The following ZFR variants were observed in gnomAD, a reference collection of about 807,000 sequenced individuals.
ZFR encodes the protein zinc finger RNA binding protein.
In ZFR, 19 loss-of-function variants were observed where a neutral mutation model predicts 130.7. That is an observed-to-expected ratio of 0.15 (90% CI 0.10 to 0.21). The LOEUF is 0.21. ZFR is among the 10% of genes least tolerant of loss of function. ZFR has a pLI of 1.00. For missense variants in ZFR, 872 were observed against 1,321.5 expected (o/e 0.66, Z 5.27); for synonymous variants, 466 against 456.9 (o/e 1.02, Z -0.25).
chr5:32,380,409 C>T, intron 15 of ZFR: 1 of 353,128 alleles, frequency 2.8e-6, no homozygotes, highest in Middle Eastern at 8.2e-4. Context: ...CCCTACCCAC[C>T]AAAACGAAAT....
intron 2 of ZFR, among the ~76,000 whole-genome samples, chr5:32,437,141 G>C (rs1158010737): frequency 6.6e-6 from 1 of 152,052 alleles, no homozygotes; most frequent in Admixed American, 6.5e-5. Context: ...ACCTTCCCTT[G>C]ATTTTCAGAA....
At chr5:32,385,738 ACCC>A in intron 14 of ZFR, 89 bp from the exon 15 acceptor site, 1 of 1,451,924 alleles carries the variant, frequency 6.9e-7, no homozygotes, top group Non-Finnish European at 9.4e-7. Context: ...CTCTCTTACT[ACCC>A]TAACCATTCT....
chr5:32,444,050 C>A (rs1754537251), intron 2 of ZFR, among the ~76,000 whole-genome samples, 179 bp downstream of exon 2: 1 of 138,470 alleles, frequency 7.2e-6, no homozygotes, highest in Non-Finnish European at 1.6e-5. Context: ...CCGGGCCGGG[C>A]CGGGCAAGGC....
intron 17 of ZFR, among the ~76,000 whole-genome samples, chr5:32,372,892 A>AGAG (rs1050244370): frequency 3.9e-5 from 6 of 152,178 alleles, no homozygotes. Flanking sequence ...TAAAAAATTA[A>AGAG]GAGGTATACA....
rs769154418 is a variant in ZFR at position 32,415,190 on chromosome 5, G to A, written c.566-3C>T. On this transcript the variant is annotated splice_region_variant and splice_polypyrimidine_tract_variant and intron_variant, in intron 4 of 19. Coordinates refer to ENST00000265069, the MANE Select transcript of ZFR (RefSeq NM_016107.5). ...TTGGCTGTAACCTGCTTTGGGGGCTGAAGTAGGAAAGAGACATCAGAAAAT... is the reference window on the plus strand; with the variant it reads ...TTGGCTGTAACCTGCTTTGGGGGCTAAAGTAGGAAAGAGACATCAGAAAAT... 15 of 1,613,418 alleles carry A rather than the reference G, an allele frequency of 9.3e-6. No individual in the cohort carries two copies. The highest frequency in any genetic ancestry group is 1.6e-4 in the Middle Eastern group (1 of 6,082).
At chr5:32,427,140 C>T (rs1754091622) in intron 2 of ZFR, among the ~76,000 whole-genome samples, 1 of 151,716 alleles carries the variant, frequency 6.6e-6, no homozygotes, top group African/African-American at 2.4e-5. Flanking sequence ...AAACTCGGGC[C>T]AGGCACTGTG....
At chr5:32,420,464 T>A (rs1753927459) in intron 2 of ZFR, among the ~76,000 whole-genome samples, 1 of 152,210 alleles carries the variant, frequency 6.6e-6, no homozygotes, top group African/African-American at 2.4e-5. Flanking sequence ...GTTAGTTACA[T>A]GTGAAGTTCT....
At chr5:32,417,139 T>C (rs990103216) in intron 4 of ZFR, among the ~76,000 whole-genome samples, 1 of 141,402 alleles carries the variant, frequency 7.1e-6, no homozygotes, top group African/African-American at 2.6e-5. Flanking sequence ...AAAAAATCCA[T>C]CTTTTAAAGT....
At position 32,400,444 on chromosome 5, in the gene ZFR, C is replaced by G. The variant is rs185293377; in HGVS notation, c.1517-241G>C. Among the ~76,000 whole-genome samples the G allele has an allele frequency of 1.1e-3, 160 of 152,286 alleles. 1 individual carries two copies. The highest frequency in any genetic ancestry group is 1.1e-3 in the Non-Finnish European group (74 of 68,032). ...ACACCCAACACCCTCCTCATCCCCC[C>G]TCAAAGTGAATAGCAAGTACCTGAA... On this transcript the variant is annotated intron_variant, in intron 8 of 19. Transcript: ENST00000265069.
intron 6 of ZFR, among the ~76,000 whole-genome samples, chr5:32,406,066 A>G (rs1753574750): frequency 1.3e-5 from 2 of 152,222 alleles, no homozygotes; most frequent in Non-Finnish European, 2.9e-5. Context: ...AAATTTTAAT[A>G]TAAAAAGTTG....
chr5:32,391,043 C>T (rs946252840), intron 11 of ZFR, among the ~76,000 whole-genome samples: 2 of 152,172 alleles, frequency 1.3e-5, no homozygotes, highest in Admixed American at 6.5e-5. Context: ...GTTTCAGTTA[C>T]CTATGGTCAA....
intron 2 of ZFR, among the ~76,000 whole-genome samples, chr5:32,441,518 G>GAAA (rs35684379): frequency 3.5e-5 from 5 of 143,792 alleles, no homozygotes; most frequent in Admixed American, 6.9e-5. Context: ...AATTTGATTG[G>GAAA]AAAAAAAAAA....
At chr5:32,436,414 G>T (rs2111866686) in intron 2 of ZFR, among the ~76,000 whole-genome samples, 1 of 152,074 alleles carries the variant, frequency 6.6e-6, no homozygotes, top group East Asian at 1.9e-4. Flanking sequence ...GCCTCCCAAA[G>T]TGCTGGTAAT....
At chr5:32,378,673 T>C (rs1407789814) in intron 17 of ZFR, among the ~76,000 whole-genome samples, 1 of 152,100 alleles carries the variant, frequency 6.6e-6, no homozygotes, top group East Asian at 1.9e-4. Context: ...ATTTTGTAGC[T>C]TTCTGCGTTA....
chr5:32,416,951 T>C (rs1280392556), intron 4 of ZFR, among the ~76,000 whole-genome samples: 4 of 151,082 alleles, frequency 2.6e-5, no homozygotes, highest in African/African-American at 9.7e-5. Context: ...CTAGGGTACA[T>C]GTGCACAACA....
At position 32,403,119 on chromosome 5, in the gene ZFR, T is replaced by C. The variant is rs200949084; in HGVS notation, c.1503A>G (p.Lys501=). 3 of 1,613,710 alleles carry C rather than the reference T, an allele frequency of 1.9e-6. No homozygotes were observed. In the East Asian group the frequency reaches 6.7e-5, roughly 36 times the overall value. ...NMAAKKTSTP[K]INFVGGNKLQ... is the part of the protein sequence containing the mutation. Reference sequence around the variant, plus strand: ...ATCAGTACTTGCCAACAAAATTTATTTTGGGGGTAGATGTTTTCTTGGCAG... The same window carrying C: ...ATCAGTACTTGCCAACAAAATTTATCTTGGGGGTAGATGTTTTCTTGGCAG... The change falls in exon 8 of 20, where the codon AAA becomes AAG. Residue 501 remains lysine, a synonymous_variant. Transcript: ENST00000265069.
Position 32,354,614 on chromosome 5 carries a change from ATTTTC to A in ZFR, c.*1141_*1145del, listed in dbSNP as rs913359348. ...GCAGGTAAGATGGCCACACCAAATA[ATTTTC>A]TGTTTTTTTCCTTAGATAATTTTTT... On this transcript the variant is annotated 3_prime_UTR_variant, in exon 20 of 20. Transcript: ENST00000265069. 31 of 152,500 alleles carry A rather than the reference ATTTTC, an allele frequency of 2.0e-4. No individual in the cohort carries two copies. Among genetic ancestry groups the A allele is most frequent in the African/African-American group, 7.5e-4 (31 of 41,396 alleles). The allele number at this position is 152,500 out of a possible 1,614,324, so 9.4% of individuals were successfully genotyped here.
At chr5:32,373,268 C>T (rs1234523035) in intron 17 of ZFR, among the ~76,000 whole-genome samples, 2 of 152,094 alleles carry the variant, frequency 1.3e-5, no homozygotes, top group East Asian at 1.9e-4. Flanking sequence ...TGGTGCATGC[C>T]TGTAATCCCA....
At chr5:32,388,921 A>G (rs1297476304) in intron 12 of ZFR, among the ~76,000 whole-genome samples, 5 of 152,176 alleles carry the variant, frequency 3.3e-5, no homozygotes, top group Admixed American at 1.3e-4. Flanking sequence ...TAATACATAT[A>G]AACCTAAAGC....
Sources: gnomAD v4.1 joint callset for allele counts (sites outside exome capture counted in the v4.1 genomes callset) on GRCh38, gnomAD v4.1.1 for gene constraint, MANE v1.5 for transcripts, NCBI Gene and HGNC (gene_info 2026-07-23, HGNC 2026-07-21) for gene names.